The following GABBR2 variants were observed in gnomAD, a reference collection of about 807,000 sequenced individuals.
GABBR2 encodes the protein G-protein coupled receptor 51.
In GABBR2, 23 loss-of-function variants were observed where a neutral mutation model predicts 105.6. That is an observed-to-expected ratio of 0.22 (90% CI 0.16 to 0.31). GABBR2 has a LOEUF of 0.31. Among genes scored for constraint, GABBR2 ranks in the 10% least tolerant of loss-of-function variants. GABBR2 has a pLI of 1.00. For synonymous variants in GABBR2, 478 were observed against 499.7 expected, an observed-to-expected ratio of 0.96 and a Z score of 0.58; for missense variants, 734 against 1,245.5, an observed-to-expected ratio of 0.59 and a Z score of 6.18.
chr9:98,529,290 A>G (rs927559608), intron 3 of GABBR2, among the ~76,000 whole-genome samples: 2 of 152,272 alleles, frequency 1.3e-5, no homozygotes, highest in African/African-American at 2.4e-5. Context: ...GGCAAATACA[A>G]TTCAAAACAC....
At chr9:98,386,103 T>C (rs1426885263) in intron 10 of GABBR2, among the ~76,000 whole-genome samples, 1 of 152,210 alleles carries the variant, frequency 6.6e-6, no homozygotes, top group Admixed American at 6.5e-5. Context: ...AATTGTTGAT[T>C]TCCCTGCCTC....
At chr9:98,538,861 C>A (rs1828232875) in intron 3 of GABBR2, among the ~76,000 whole-genome samples, 1 of 152,186 alleles carries the variant, frequency 6.6e-6, no homozygotes, top group Non-Finnish European at 1.5e-5. Context: ...GCAGCCCAGA[C>A]ATTGAGAGAG....
At chr9:98,528,772 A>G (rs1291523249) in intron 3 of GABBR2, among the ~76,000 whole-genome samples, 2 of 152,236 alleles carry the variant, frequency 1.3e-5, no homozygotes, top group African/African-American at 4.8e-5. Flanking sequence ...GCCAAAAATC[A>G]GAAAAGAATA....
At chr9:98,546,210 T>C (rs1001337174) in intron 2 of GABBR2, among the ~76,000 whole-genome samples, 1 of 152,222 alleles carries the variant, frequency 6.6e-6, no homozygotes. Flanking sequence ...TCATAAGCTA[T>C]AGAATTCTTT....
At chr9:98,499,040 AGAT>A (rs1463539529) in intron 3 of GABBR2, among the ~76,000 whole-genome samples, 1 of 152,240 alleles carries the variant, frequency 6.6e-6, no homozygotes, top group Admixed American at 6.5e-5. Context: ...TACACCTATA[AGAT>A]GGGGGCAATA....
At chr9:98,375,363 T>G (rs1427012598) in intron 11 of GABBR2, 1 of 152,188 alleles carries the variant, frequency 6.6e-6, no homozygotes, top group Admixed American at 6.5e-5. Flanking sequence ...TCATGACTAC[T>G]TCCTCCTCAT....
chr9:98,401,737 A>C (rs982100068), intron 8 of GABBR2, among the ~76,000 whole-genome samples: 2 of 152,228 alleles, frequency 1.3e-5, no homozygotes, highest in East Asian at 3.8e-4. Context: ...AAGAGTCTCA[A>C]AGTAGGGTCA....
chr9:98,416,320 G>A (rs1832688607), intron 7 of GABBR2, among the ~76,000 whole-genome samples: 1 of 152,214 alleles, frequency 6.6e-6, no homozygotes. Context: ...TCTCTTCCCA[G>A]AAACAAGCGA....
intron 6 of GABBR2, among the ~76,000 whole-genome samples, chr9:98,455,325 A>G (rs1366241840): frequency 6.6e-6 from 1 of 152,124 alleles, no homozygotes; most frequent in African/African-American, 2.4e-5. Flanking sequence ...CAGCTCCTTC[A>G]TGGGTCTTTT....
chr9:98,430,888 G>T (rs12339416), intron 7 of GABBR2, among the ~76,000 whole-genome samples: 7,147 of 151,346 alleles, frequency 0.047, 297 homozygotes, highest in East Asian at 0.19. Flanking sequence ...GTCCTCTGCT[G>T]CTTGTAGCCC....
At chr9:98,578,207 G>A in intron 1 of GABBR2, 135 bp from the exon 2 acceptor site, 2 of 924,312 alleles carry the variant, frequency 2.2e-6, no homozygotes, top group Non-Finnish European at 3.3e-6. Flanking sequence ...GTCTCCTTAA[G>A]CCAGCCCTGA....
intron 1 of GABBR2, among the ~76,000 whole-genome samples, chr9:98,604,700 T>C (rs1470793291): frequency 6.6e-6 from 1 of 152,202 alleles, no homozygotes; most frequent in African/African-American, 2.4e-5. Context: ...GAGAAAGATC[T>C]TTATATAAGG....
At chr9:98,575,966 T>G (rs1588235257) in intron 2 of GABBR2, among the ~76,000 whole-genome samples, 1 of 152,134 alleles carries the variant, frequency 6.6e-6, no homozygotes, top group South Asian at 2.1e-4. Context: ...CAACGCCCTC[T>G]CCTCCTTCAG....
chr9:98,568,563 A>T (rs1465164090), intron 2 of GABBR2, among the ~76,000 whole-genome samples: 1 of 152,102 alleles, frequency 6.6e-6, no homozygotes, highest in Non-Finnish European at 1.5e-5. Flanking sequence ...TGGGTGCTGG[A>T]GCTGGGAGAT....
At chr9:98,547,393 T>TATAG (rs1235340890) in intron 2 of GABBR2, among the ~76,000 whole-genome samples, 1 of 117,450 alleles carries the variant, frequency 8.5e-6, no homozygotes, top group Admixed American at 9.7e-5. Context: ...ACATAATAAA[T>TATAG]ATAGCATATG....
At chr9:98,352,437 TG>T (rs1372811314) in intron 13 of GABBR2, among the ~76,000 whole-genome samples, 1 of 151,992 alleles carries the variant, frequency 6.6e-6, no homozygotes, top group Non-Finnish European at 1.5e-5. Context: ...GCTGGAGGGC[TG>T]GGAAGGCCAG....
intron 5 of GABBR2, among the ~76,000 whole-genome samples, chr9:98,478,122 C>T (rs1439579606): frequency 6.6e-6 from 1 of 152,210 alleles, no homozygotes; most frequent in Non-Finnish European, 1.5e-5. Flanking sequence ...TATAAATAGG[C>T]CTTGCATTTG....
intron 9 of GABBR2, 94 bp downstream of exon 9, chr9:98,394,081 C>T (rs1832243454): frequency 1.1e-6 from 1 of 872,794 alleles, no homozygotes; most frequent in Non-Finnish European, 1.9e-6. Flanking sequence ...CCCCTGAAGC[C>T]AAGGATGCTG....
At position 98,596,588 on chromosome 9, in the gene GABBR2, G is replaced by T. The variant is rs576790122; in HGVS notation, c.322-18516C>A. Among the ~76,000 whole-genome samples the T allele has an allele frequency of 3.9e-5, 6 of 152,210 alleles. No homozygotes were observed. In the South Asian group the frequency reaches 1.0e-3, roughly 26 times the overall value. ...TCCTATAACAGCCTGGCCCAGCCCA[G>T]CCCTGCCATGGAAGGAGCCGGCGAT... On this transcript the variant is annotated intron_variant, in intron 1 of 18. Coordinates refer to ENST00000259455, the MANE Select transcript of GABBR2 (RefSeq NM_005458.8).
Sources: allele counts gnomAD v4.1 joint callset (sites outside exome capture counted in the v4.1 genomes callset), GRCh38; gene constraint gnomAD v4.1.1; transcripts MANE v1.5; gene names NCBI Gene and HGNC (gene_info 2026-07-23, HGNC 2026-07-21).